Variants in OSBPL10 observed in about 807,000 individuals in gnomAD.
OSBPL10 encodes the protein oxysterol-binding protein-related protein 10.
In OSBPL10, 49 loss-of-function variants were observed where a neutral mutation model predicts 81.7. That is an observed-to-expected ratio of 0.60 (90% CI 0.48 to 0.76). The LOEUF (loss-of-function observed/expected upper bound fraction) is 0.76. Ranked by LOEUF, OSBPL10 falls within the 30% of genes least tolerant of loss-of-function variation. OSBPL10 has a pLI of 0.00. For synonymous variants in OSBPL10, 419 were observed against 383.6 expected, an observed-to-expected ratio of 1.09 and a Z score of -1.08; for missense variants, 923 against 987.8, an observed-to-expected ratio of 0.93 and a Z score of 0.88.
At position 31,926,521 on chromosome 3, in the gene OSBPL10, T is replaced by C. The variant is rs145827501; in HGVS notation, c.282-46691A>G. Among the ~76,000 whole-genome samples the C allele has an allele frequency of 7.7e-4, 117 of 152,230 alleles. 1 individual carries two copies. The East Asian group carries it at 0.02, about 26-fold the overall frequency. The stretch of plus-strand genomic sequence containing the variant: ...ACCTCGCTTCCTCATGAGATTACTA[T>C]AAATTCTGGAATATGGAGACAGGAA... On this transcript the variant is annotated intron_variant, in intron 1 of 11. Transcript: ENST00000396556.
intron 1 of OSBPL10, among the ~76,000 whole-genome samples, chr3:31,928,406 C>T (rs572170881): frequency 2.2e-4 from 33 of 152,288 alleles, no homozygotes; most frequent in African/African-American, 7.7e-4. Flanking sequence ...ATTGTGTGTG[C>T]TACCCCCAAG....
At chr3:31,906,626 T>C (rs1451930266) in intron 1 of OSBPL10, among the ~76,000 whole-genome samples, 19 of 152,220 alleles carry the variant, frequency 1.2e-4, no homozygotes, top group Admixed American at 1.2e-3. Flanking sequence ...ATTTGATGAA[T>C]TAGGTCCATG....
chr3:31,942,722 G>T (rs967109311), intron 1 of OSBPL10, among the ~76,000 whole-genome samples: 3 of 151,904 alleles, frequency 2.0e-5, no homozygotes, highest in African/African-American at 7.3e-5. Flanking sequence ...CAAAAATTGA[G>T]ATAAATGAAC....
intron 1 of OSBPL10, among the ~76,000 whole-genome samples, chr3:32,048,453 A>G (rs1254547329): frequency 2.0e-5 from 3 of 152,052 alleles, no homozygotes; most frequent in Non-Finnish European, 4.4e-5. Context: ...GATTACAGGC[A>G]TACGCCACCA....
chr3:31,918,193 T>C (rs998213110), intron 1 of OSBPL10, among the ~76,000 whole-genome samples: 4 of 152,198 alleles, frequency 2.6e-5, no homozygotes, highest in Non-Finnish European at 5.9e-5. Context: ...TCACTTAACC[T>C]TTATGCCAGT....
intron 1 of OSBPL10, among the ~76,000 whole-genome samples, chr3:31,923,120 C>A (rs868236423): frequency 6.6e-6 from 1 of 152,172 alleles, no homozygotes; most frequent in African/African-American, 2.4e-5. Flanking sequence ...TTTATGTGAA[C>A]TGGTTTCCCA....
chr3:31,854,989 C>T (rs1700873407), intron 3 of OSBPL10, among the ~76,000 whole-genome samples: 1 of 152,066 alleles, frequency 6.6e-6, no homozygotes, highest in Non-Finnish European at 1.5e-5. Flanking sequence ...GTAGGTATCG[C>T]ATTTGGTTGT....
intron 1 of OSBPL10, among the ~76,000 whole-genome samples, chr3:31,932,285 C>G (rs1040206148): frequency 4.6e-5 from 7 of 152,124 alleles, no homozygotes; most frequent in Non-Finnish European, 8.8e-5. Flanking sequence ...CACCTCCACC[C>G]GCATCTCCCA....
At chr3:31,810,778 G>T (rs7611453) in intron 4 of OSBPL10, among the ~76,000 whole-genome samples, 3 of 152,064 alleles carry the variant, frequency 2.0e-5, no homozygotes, top group African/African-American at 7.3e-5. Flanking sequence ...AAGGTTTGAC[G>T]GCACAGTGAG....
At chr3:31,945,177 G>A (rs1037443859) in intron 1 of OSBPL10, among the ~76,000 whole-genome samples, 3 of 150,326 alleles carry the variant, frequency 2.0e-5, no homozygotes, top group East Asian at 3.9e-4. Flanking sequence ...AAAACAGGAA[G>A]GAACAAGCCA....
intron 3 of OSBPL10, among the ~76,000 whole-genome samples, chr3:31,864,827 C>A (rs1006031265): frequency 6.6e-6 from 1 of 152,150 alleles, no homozygotes; most frequent in African/African-American, 2.4e-5. Flanking sequence ...ACAGGCATAA[C>A]TAGCAGTCTC....
intron 1 of OSBPL10, among the ~76,000 whole-genome samples, chr3:31,930,422 A>T (rs928561014): frequency 3.3e-5 from 5 of 152,308 alleles, no homozygotes; most frequent in East Asian, 1.9e-4. Context: ...ATCAAAATTT[A>T]AAAATGTACA....
intron 4 of OSBPL10, among the ~76,000 whole-genome samples, chr3:31,780,234 A>G (rs577402389): frequency 3.6e-4 from 55 of 152,316 alleles, no homozygotes; most frequent in African/African-American, 1.3e-3. Context: ...CAGAGCTTGC[A>G]GTGAGCCGAG....
intron 2 of OSBPL10, among the ~76,000 whole-genome samples, chr3:32,000,094 A>G (rs1450118383): frequency 6.6e-6 from 1 of 152,096 alleles, no homozygotes; most frequent in African/African-American, 2.4e-5. Context: ...GTCAGCCTTC[A>G]TTTCCTCTGT....
At chr3:31,953,093 G>A (rs1228539420) in intron 1 of OSBPL10, among the ~76,000 whole-genome samples, 1 of 151,800 alleles carries the variant, frequency 6.6e-6, no homozygotes, top group African/African-American at 2.4e-5. Context: ...CACCATGCCT[G>A]GCTAATTTTT....
intron 4 of OSBPL10, among the ~76,000 whole-genome samples, chr3:31,803,440 C>G (rs1699442566): frequency 6.6e-6 from 1 of 152,206 alleles, no homozygotes; most frequent in Admixed American, 6.5e-5. Flanking sequence ...CATCTTCCTT[C>G]AAACCAAAAG....
chr3:31,895,597 A>T (rs1696032069), intron 1 of OSBPL10, among the ~76,000 whole-genome samples: 1 of 152,164 alleles, frequency 6.6e-6, no homozygotes, highest in African/African-American at 2.4e-5. Flanking sequence ...AACTTTATGT[A>T]ACTCCATTAC....
intron 10 of OSBPL10, among the ~76,000 whole-genome samples, chr3:31,667,945 A>C (rs925046715): frequency 6.6e-6 from 1 of 152,280 alleles, no homozygotes; most frequent in Non-Finnish European, 1.5e-5. Context: ...TATTCATACC[A>C]TAGTCACAGC....
At chr3:31,891,231 C>CATCAGAATTTCCCACATCAGAA (rs1695883287) in intron 1 of OSBPL10, among the ~76,000 whole-genome samples, 3 of 152,262 alleles carry the variant, frequency 2.0e-5, no homozygotes, top group South Asian at 4.1e-4. Context: ...GGTTTTCAGA[C>CATCAGAATTTCCCACATCAGAA]TTTGCCCACA....
Sources: allele counts gnomAD v4.1 joint callset (sites outside exome capture counted in the v4.1 genomes callset), GRCh38; gene constraint gnomAD v4.1.1; transcripts MANE v1.5; gene names NCBI Gene and HGNC (gene_info 2026-07-23, HGNC 2026-07-21).